The following CDK6 variants were observed in gnomAD, a reference collection of about 807,000 sequenced individuals.
The protein encoded by CDK6 is cyclin dependent kinase 6.
Under a neutral mutation model 37.1 loss-of-function variants are expected in CDK6, and 6 were observed. The observed-to-expected ratio is 0.16, with a 90% confidence interval of 0.09 to 0.32. The LOEUF is 0.32. Ranked by LOEUF, CDK6 falls within the 10% of genes least tolerant of loss-of-function variation. CDK6 has a pLI of 1.00. For synonymous variants in CDK6, 160 were observed against 161.3 expected (o/e 0.99, Z 0.06); for missense variants, 224 against 418.9 (o/e 0.53, Z 4.06).
At chr7:92,740,787 C>T (rs1305968046) in intron 3 of CDK6, among the ~76,000 whole-genome samples, 1 of 152,108 alleles carries the variant, frequency 6.6e-6, no homozygotes, top group Non-Finnish European at 1.5e-5. Flanking sequence ...AGGCGGGAAA[C>T]CGAATTTGAG....
intron 2 of CDK6, among the ~76,000 whole-genome samples, chr7:92,804,529 A>C (rs1800671748): frequency 6.6e-6 from 1 of 152,166 alleles, no homozygotes; most frequent in Non-Finnish European, 1.5e-5. Context: ...CTTCTTGCCT[A>C]TTGATGGTAA....
At chr7:92,788,995 A>T (rs1800215125) in intron 2 of CDK6, among the ~76,000 whole-genome samples, 1 of 152,062 alleles carries the variant, frequency 6.6e-6, no homozygotes, top group Admixed American at 6.6e-5. Context: ...TCGTGGTGGC[A>T]CATGCTTGTA....
intron 2 of CDK6, among the ~76,000 whole-genome samples, chr7:92,789,686 A>G (rs1487088763): frequency 6.6e-6 from 1 of 152,170 alleles, no homozygotes; most frequent in Non-Finnish European, 1.5e-5. Context: ...TCTTGAATTT[A>G]CCACTTAAGA....
At chr7:92,686,734 C>T (rs1330634015) in intron 4 of CDK6, among the ~76,000 whole-genome samples, 1 of 152,120 alleles carries the variant, frequency 6.6e-6, no homozygotes, top group Non-Finnish European at 1.5e-5. Context: ...TACTAGTTTA[C>T]ATTCCCACCA....
intron 4 of CDK6, among the ~76,000 whole-genome samples, chr7:92,675,195 T>A (rs934694175): frequency 6.6e-6 from 1 of 152,228 alleles, no homozygotes; most frequent in South Asian, 2.1e-4. Flanking sequence ...ACTGTCTTCA[T>A]TTTCAATACT....
At chr7:92,825,460 G>GCACACACA (rs147959837) in intron 2 of CDK6, among the ~76,000 whole-genome samples, 2 of 148,506 alleles carry the variant, frequency 1.3e-5, no homozygotes, top group Admixed American at 6.7e-5. Flanking sequence ...GCACATGCGT[G>GCACACACA]CACACACACA....
At chr7:92,794,538 C>T (rs183451837) in intron 2 of CDK6, among the ~76,000 whole-genome samples, 2 of 152,242 alleles carry the variant, frequency 1.3e-5, no homozygotes, top group Admixed American at 1.3e-4. Flanking sequence ...TGCTGTGCCT[C>T]AACACCAGCT....
intron 2 of CDK6, among the ~76,000 whole-genome samples, chr7:92,809,221 T>C (rs1357788435): frequency 1.3e-5 from 2 of 152,204 alleles, no homozygotes; most frequent in Non-Finnish European, 2.9e-5. Context: ...AAACTCTCAA[T>C]AGCCCAGGAA....
chr7:92,762,906 T>TCC (rs1799493697), intron 3 of CDK6, among the ~76,000 whole-genome samples: 1 of 152,202 alleles, frequency 6.6e-6, no homozygotes, highest in African/African-American at 2.4e-5. Flanking sequence ...TATTTCCAGA[T>TCC]TGATCTAAAT....
intron 5 of CDK6, among the ~76,000 whole-genome samples, chr7:92,636,316 C>T (rs1001894751): frequency 6.6e-5 from 10 of 152,078 alleles, no homozygotes; most frequent in East Asian, 1.9e-4. Context: ...GCCTTAGCCT[C>T]GCAAAGTGCT....
Position 92,618,115 on chromosome 7 carries a change from T to G in CDK6, c.791A>C (p.Lys264Thr). The G allele has an allele frequency of 6.2e-7, 1 of 1,614,154 alleles. No individual in the cohort carries two copies. Among genetic ancestry groups the G allele is most frequent in the South Asian group, 1.1e-5 (1 of 91,086 alleles). The change falls in exon 7 of 8, where the codon AAG becomes ACG. Residue 264 changes from lysine (K) to threonine (T), a missense_variant. Physicochemically the swap from Lys to Thr is moderately conservative, Grantham distance 78. Transcript: ENST00000424848. ...TAGTTCATCGATATCTGTTACAAAC[T>G]TCTCAATTGGTTGGGCAGATTTTGA... Reference protein sequence around the residue: ...FHSKSAQPIEKFVTDIDELGK... With the variant: ...FHSKSAQPIETFVTDIDELGK...
At chr7:92,675,833 T>C (rs1381812116) in intron 4 of CDK6, among the ~76,000 whole-genome samples, 1 of 152,148 alleles carries the variant, frequency 6.6e-6, no homozygotes, top group East Asian at 1.9e-4. Flanking sequence ...CCTACGAACA[T>C]TCTTAATCTA....
At chr7:92,689,885 T>C (rs112623954) in intron 4 of CDK6, among the ~76,000 whole-genome samples, 1 of 152,220 alleles carries the variant, frequency 6.6e-6, no homozygotes, top group Non-Finnish European at 1.5e-5. Context: ...TGATCAGTGA[T>C]GTTGAGCTTT....
intron 5 of CDK6, among the ~76,000 whole-genome samples, chr7:92,638,991 G>A (rs1431329426): frequency 6.6e-6 from 1 of 152,096 alleles, no homozygotes; most frequent in Admixed American, 6.5e-5. Flanking sequence ...TCTTGTTGGG[G>A]GGTGATGAAA....
At chr7:92,793,044 A>C (rs1172884483) in intron 2 of CDK6, among the ~76,000 whole-genome samples, 1 of 152,134 alleles carries the variant, frequency 6.6e-6, no homozygotes, top group Non-Finnish European at 1.5e-5. Context: ...AATACGTATA[A>C]ATTTAACAAG....
intron 4 of CDK6, among the ~76,000 whole-genome samples, chr7:92,700,395 A>G (rs1797816344): frequency 1.3e-5 from 2 of 152,262 alleles, no homozygotes; most frequent in African/African-American, 4.8e-5. Flanking sequence ...AGGAAGATGT[A>G]TAAAACCACA....
chr7:92,717,760 A>T (rs1798266402), intron 4 of CDK6, among the ~76,000 whole-genome samples: 2 of 152,216 alleles, frequency 1.3e-5, no homozygotes, highest in South Asian at 4.1e-4. Flanking sequence ...TTTTATAAAC[A>T]AGGGAATCAG....
chr7:92,714,089 A>C (rs1307622058), intron 4 of CDK6, among the ~76,000 whole-genome samples: 1 of 152,214 alleles, frequency 6.6e-6, no homozygotes, highest in East Asian at 1.9e-4. Context: ...AATCTTTTAA[A>C]AATAGAAGAC....
intron 5 of CDK6, among the ~76,000 whole-genome samples, chr7:92,631,204 C>T (rs926823097): frequency 6.6e-6 from 1 of 152,040 alleles, no homozygotes; most frequent in African/African-American, 2.4e-5. Context: ...ATAGGGTAAC[C>T]AACGAGCCCA....
Sources: allele counts gnomAD v4.1 joint callset (sites outside exome capture counted in the v4.1 genomes callset), GRCh38; gene constraint gnomAD v4.1.1; transcripts MANE v1.5; gene names NCBI Gene and HGNC (gene_info 2026-07-23, HGNC 2026-07-21).